CARMIL1: variants seen among roughly 807,000 people sequenced by gnomAD.
CARMIL1 encodes the protein capping protein regulator and myosin 1 linker 1, also known as F-actin-uncapping protein LRRC16A.
In CARMIL1, 90 loss-of-function variants were observed where a neutral mutation model predicts 177.1. That is an observed-to-expected ratio of 0.51 (90% CI 0.43 to 0.61). The LOEUF (loss-of-function observed/expected upper bound fraction) is 0.61, where lower values mean the gene tolerates loss of function less well. Among genes scored for constraint, CARMIL1 ranks in the 20% least tolerant of loss-of-function variants. CARMIL1 has a pLI of 0.00. For synonymous variants in CARMIL1, 577 were observed against 606.2 expected (o/e 0.95, Z 0.71); for missense variants, 1,380 against 1,667.0 (o/e 0.83, Z 3.00).
At chr6:25,562,246 C>CTT (rs1201652881) in intron 29 of CARMIL1, among the ~76,000 whole-genome samples, 6 of 142,582 alleles carry the variant, frequency 4.2e-5, no homozygotes, top group Non-Finnish European at 6.2e-5. Flanking sequence ...ACCCAGATAT[C>CTT]TTTTTTTTTT....
At chr6:25,450,763 C>T in intron 8 of CARMIL1, 52 bp downstream of exon 8, 2 of 398,044 alleles carry the variant, frequency 5.0e-6, no homozygotes, top group Middle Eastern at 6.7e-4. Context: ...TTCCTCCCTC[C>T]CTTCCTCCCT....
chr6:25,485,786 T>C (rs13217797), intron 12 of CARMIL1, among the ~76,000 whole-genome samples: 30,612 of 152,134 alleles, frequency 0.2, 3,443 homozygotes, highest in East Asian at 0.31. Context: ...TGTTTGTTTA[T>C]TTATTTATTT....
Position 25,321,849 on chromosome 6 carries a change from G to A in CARMIL1, c.138+36940G>A, listed in dbSNP as rs183737094. ...AATTTTTTGTATTTTTAGTAGGGAT[G>A]GGGTTTCACTGTGTTAGCCAGGATG... On this transcript the variant is annotated intron_variant, in intron 2 of 36. Transcript: ENST00000329474. Among the ~76,000 whole-genome samples the A allele has an allele frequency of 2.5e-4, 38 of 152,006 alleles. No individual in the cohort carries two copies. In the East Asian group the frequency reaches 7.2e-3, roughly 29 times the overall value.
chr6:25,445,377 T>C (rs548211747), intron 5 of CARMIL1, among the ~76,000 whole-genome samples: 70 of 152,306 alleles, frequency 4.6e-4, no homozygotes, highest in Admixed American at 7.8e-4. Flanking sequence ...TTGGAACTCC[T>C]GTTGATGTTG....
chr6:25,475,078 A>C (rs1247171118), intron 11 of CARMIL1, among the ~76,000 whole-genome samples: 1 of 152,258 alleles, frequency 6.6e-6, no homozygotes, highest in Admixed American at 6.5e-5. Context: ...AAAATGGTAC[A>C]GCCACATGCA....
At chr6:25,619,365 G>A in intron 36 of CARMIL1, 82 bp from the exon 37 acceptor site, 1 of 1,416,030 alleles carries the variant, frequency 7.1e-7, no homozygotes, top group Non-Finnish European at 9.5e-7. Context: ...AACCTTCAAG[G>A]CTACTGCATC....
At chr6:25,359,385 C>T (rs759049329) in intron 2 of CARMIL1, among the ~76,000 whole-genome samples, 5 of 152,194 alleles carry the variant, frequency 3.3e-5, no homozygotes, top group African/African-American at 7.2e-5. Context: ...CACTGAGGCT[C>T]GTTCTGCCTG....
chr6:25,296,523 AACAG>A (rs1221377606), intron 2 of CARMIL1, among the ~76,000 whole-genome samples: 2 of 152,218 alleles, frequency 1.3e-5, no homozygotes, highest in Admixed American at 6.5e-5. Context: ...TACCCTGTAG[AACAG>A]ACAAAGAAAA....
chr6:25,287,524 C>G (rs1781610072), intron 2 of CARMIL1: 1 of 152,876 alleles, frequency 6.5e-6, no homozygotes. Flanking sequence ...CCCCTACACT[C>G]AGACCAGCCA....
intron 23 of CARMIL1, among the ~76,000 whole-genome samples, chr6:25,521,485 T>C (rs1008585293): frequency 2.0e-5 from 3 of 152,156 alleles, no homozygotes; most frequent in Non-Finnish European, 4.4e-5. Context: ...CAATAAAGAA[T>C]GTGGATGGGC....
intron 8 of CARMIL1, among the ~76,000 whole-genome samples, chr6:25,459,266 C>CTTTCTTTCTTTCTTTTT: frequency 1.4e-5 from 1 of 73,752 alleles, no homozygotes; most frequent in Non-Finnish European, 3.0e-5. Context: ...TTCTTTCTTT[C>CTTTCTTTCTTTCTTTTT]TTTTTTTTTT....
intron 4 of CARMIL1, among the ~76,000 whole-genome samples, chr6:25,430,333 T>C (rs1796636533): frequency 6.6e-6 from 1 of 151,876 alleles, no homozygotes; most frequent in African/African-American, 2.4e-5. Flanking sequence ...TTCCTTCTCT[T>C]AAATTTTTTC....
chr6:25,581,129 T>C, intron 30 of CARMIL1, 114 bp from the exon 31 acceptor site: 1 of 1,264,962 alleles, frequency 7.9e-7, no homozygotes, highest in Non-Finnish European at 1.1e-6. Context: ...TCTGTGAATG[T>C]GTGTTTGCTA....
chr6:25,513,096 G>C (rs935939394), intron 20 of CARMIL1, among the ~76,000 whole-genome samples: 15 of 152,152 alleles, frequency 9.9e-5, no homozygotes, highest in Non-Finnish European at 2.1e-4. Flanking sequence ...TTTGAATATA[G>C]TCCTGGAATT....
chr6:25,443,379 A>G (rs1399505008), intron 5 of CARMIL1, among the ~76,000 whole-genome samples: 1 of 152,252 alleles, frequency 6.6e-6, no homozygotes, highest in Non-Finnish European at 1.5e-5. Context: ...ACCCCGAAGT[A>G]TTAAAATAAT....
chr6:25,347,007 A>G (rs563387632), intron 2 of CARMIL1, among the ~76,000 whole-genome samples: 4 of 152,280 alleles, frequency 2.6e-5, no homozygotes, highest in South Asian at 4.1e-4. Flanking sequence ...ATCTTGCCTT[A>G]TTAGAAAAAC....
At chr6:25,452,416 A>G (rs1799062145) in intron 8 of CARMIL1, 2 of 583,526 alleles carry the variant, frequency 3.4e-6, no homozygotes, top group Non-Finnish European at 6.1e-6. Context: ...ATAAGATAGA[A>G]GTTTACAGTC....
At chr6:25,300,164 G>A (rs948518272) in intron 2 of CARMIL1, among the ~76,000 whole-genome samples, 1 of 151,940 alleles carries the variant, frequency 6.6e-6, no homozygotes, top group Non-Finnish European at 1.5e-5. Context: ...TTATGATATA[G>A]CCATTGTTGA....
intron 2 of CARMIL1, among the ~76,000 whole-genome samples, chr6:25,381,569 C>T (rs866282090): frequency 1.3e-5 from 2 of 152,280 alleles, no homozygotes; most frequent in Non-Finnish European, 2.9e-5. Context: ...CAGTAATTCT[C>T]TATAAAGGCT....
Sources: allele counts gnomAD v4.1 joint callset (sites outside exome capture counted in the v4.1 genomes callset), GRCh38; gene constraint gnomAD v4.1.1; transcripts MANE v1.5; gene names NCBI Gene and HGNC (gene_info 2026-07-23, HGNC 2026-07-21).